The following COL5A2 variants were observed in gnomAD, a reference collection of about 807,000 sequenced individuals.
COL5A2 encodes the protein collagen alpha-2(V) chain.
A neutral mutation model predicts 208.2 loss-of-function variants in COL5A2; 23 were observed. The observed-to-expected ratio is 0.11, with a 90% CI of 0.08 to 0.16. The LOEUF (loss-of-function observed/expected upper bound fraction) is 0.16, where lower values mean the gene tolerates loss of function less well. Among genes scored for constraint, COL5A2 ranks in the 10% least tolerant of loss-of-function variants. The pLI is 1.00. For synonymous variants in COL5A2, 625 were observed against 628.5 expected (o/e 0.99, Z 0.08); for missense variants, 1,590 against 1,956.4 (o/e 0.81, Z 3.53).
chr2:189,292,925 TA>T, the COL5A2 span, among the ~76,000 whole-genome samples: 1 of 152,104 alleles, frequency 6.6e-6, no homozygotes, highest in Non-Finnish European at 1.5e-5. Context: ...TATGCAGCCA[TA>T]AAAAATGATG....
the COL5A2 span, chr2:189,311,581 C>T: frequency 8.2e-7 from 1 of 1,223,352 alleles, no homozygotes. Context: ...CCACCTCCCT[C>T]AGGCTGTTCT....
At chr2:189,352,333 C>T in the COL5A2 span, among the ~76,000 whole-genome samples, 10 of 152,036 alleles carry the variant, frequency 6.6e-5, no homozygotes, top group East Asian at 1.9e-4. Flanking sequence ...GAGATTGCTG[C>T]GTCAAATGGT....
intron 16 of COL5A2, among the ~76,000 whole-genome samples, chr2:189,077,257 T>A (rs1686426761): frequency 6.6e-6 from 1 of 152,114 alleles, no homozygotes; most frequent in East Asian, 1.9e-4. Context: ...ACACTACTCC[T>A]GATTTTTTAA....
chr2:189,275,871 T>C, the COL5A2 span, among the ~76,000 whole-genome samples: 1 of 152,202 alleles, frequency 6.6e-6, no homozygotes. Context: ...GTTTACTCTG[T>C]TTTGATTTTT....
At chr2:189,231,764 A>G in the COL5A2 span, among the ~76,000 whole-genome samples, 1 of 149,654 alleles carries the variant, frequency 6.7e-6, no homozygotes, top group Non-Finnish European at 1.5e-5. Flanking sequence ...GAAGAATAAA[A>G]AGAGAAAAAG....
the COL5A2 span, among the ~76,000 whole-genome samples, chr2:189,393,490 T>C: frequency 6.6e-6 from 1 of 152,154 alleles, no homozygotes; most frequent in Non-Finnish European, 1.5e-5. Context: ...TTAATATCTC[T>C]ATTTAAATTG....
chr2:189,139,489 T>C (rs1386905889), intron 1 of COL5A2, among the ~76,000 whole-genome samples: 2 of 151,946 alleles, frequency 1.3e-5, no homozygotes, highest in Non-Finnish European at 2.9e-5. Context: ...ACAAGGAATG[T>C]CTGGAAACTG....
At chr2:189,207,652 A>G (rs1689158272) in intron 1 of COL5A2, among the ~76,000 whole-genome samples, 1 of 152,180 alleles carries the variant, frequency 6.6e-6, no homozygotes, top group African/African-American at 2.4e-5. Context: ...CAAATTTCTC[A>G]AACAACTTCT....
Position 189,035,031 on chromosome 2 carries a change from T to A in COL5A2, c.4238A>T (p.Asp1413Val). The A allele has an allele frequency of 6.2e-7, 1 of 1,613,952 alleles. No individual in the cohort carries two copies. The highest frequency in any genetic ancestry group is 8.5e-7 in the Non-Finnish European group (1 of 1,179,890). Reference sequence around the variant, plus strand: ...TTTTTTGAGGTTCTTAGCTTGATCGTCCATGTATCCTACACTGTTTTTACA... The same window carrying A: ...TTTTTTGAGGTTCTTAGCTTGATCGACCATGTATCCTACACTGTTTTTACA... The part of the protein sequence containing the change: ...YICKNSVGYM[D>V]DQAKNLKKAV... Residue 1413 changes from aspartate (D) to valine (V), a missense_variant, in exon 53 of 54, where the codon GAC (aspartate) becomes GTC (valine). Asp to Val is a radical substitution (Grantham distance 152, BLOSUM62 -3). Coordinates refer to ENST00000374866, the MANE Select transcript of COL5A2 (RefSeq NM_000393.5).
chr2:189,162,658 G>T (rs893834756), intron 1 of COL5A2, among the ~76,000 whole-genome samples: 2 of 152,128 alleles, frequency 1.3e-5, no homozygotes, highest in African/African-American at 4.8e-5. Flanking sequence ...GTATTTGTGG[G>T]TATACTGGAA....
chr2:189,412,422 A>G, the COL5A2 span, among the ~76,000 whole-genome samples: 3 of 152,230 alleles, frequency 2.0e-5, no homozygotes, highest in Non-Finnish European at 2.9e-5. Context: ...ATTCTATAAC[A>G]TTCCACTAAG....
intron 51 of COL5A2, among the ~76,000 whole-genome samples, chr2:189,038,089 G>A (rs1335761357): frequency 6.6e-6 from 1 of 151,994 alleles, no homozygotes; most frequent in African/African-American, 2.4e-5. Flanking sequence ...GTTACATGGG[G>A]ATATTGTATG....
At chr2:189,223,141 T>C (rs1478228400) in intron 1 of COL5A2, among the ~76,000 whole-genome samples, 4 of 152,214 alleles carry the variant, frequency 2.6e-5, no homozygotes, top group Non-Finnish European at 4.4e-5. Context: ...TTATGTTCAT[T>C]AGGCAATAAA....
the COL5A2 span, among the ~76,000 whole-genome samples, chr2:189,328,048 G>A: frequency 0.017 from 2,582 of 152,208 alleles, 75 homozygotes; most frequent in African/African-American, 0.059. Context: ...TCCATATGAA[G>A]AGCCAACTTC....
chr2:189,037,306 C>T (rs112079857), intron 51 of COL5A2, among the ~76,000 whole-genome samples: 1,898 of 152,158 alleles, frequency 0.012, 50 homozygotes, highest in African/African-American at 0.042. Flanking sequence ...ATATAAGAGA[C>T]TCTTAAAATA....
At chr2:189,440,882 C>T in the COL5A2 span, among the ~76,000 whole-genome samples, 2 of 152,156 alleles carry the variant, frequency 1.3e-5, no homozygotes, top group African/African-American at 2.4e-5. Flanking sequence ...ACCAGAATCC[C>T]GGAGTAGGAG....
At chr2:189,037,420 T>G (rs1032513527) in intron 51 of COL5A2, among the ~76,000 whole-genome samples, 1 of 152,204 alleles carries the variant, frequency 6.6e-6, no homozygotes, top group Non-Finnish European at 1.5e-5. Flanking sequence ...GTGTGTATAT[T>G]ATATAAATAG....
At chr2:189,353,774 G>A in the COL5A2 span, among the ~76,000 whole-genome samples, 3 of 151,948 alleles carry the variant, frequency 2.0e-5, no homozygotes, top group East Asian at 1.9e-4. Context: ...TTTGAATACC[G>A]TTTTTTTCTT....
chr2:189,358,086 C>T, the COL5A2 span, among the ~76,000 whole-genome samples: 1 of 152,090 alleles, frequency 6.6e-6, no homozygotes, highest in Non-Finnish European at 1.5e-5. Flanking sequence ...TGAGATAAAC[C>T]GGGTACCTCA....
Sources: allele counts gnomAD v4.1 joint callset (sites outside exome capture counted in the v4.1 genomes callset), GRCh38; gene constraint gnomAD v4.1.1; transcripts MANE v1.5; gene names NCBI Gene and HGNC (gene_info 2026-07-23, HGNC 2026-07-21).